Variants in RBFOX1 observed in about 807,000 individuals in gnomAD.
The protein encoded by RBFOX1 is RNA binding protein fox-1 homolog 1.
Under a neutral mutation model 57.7 loss-of-function variants are expected in RBFOX1, and 8 were observed. That is an observed-to-expected ratio of 0.14 (90% CI 0.08 to 0.25). The LOEUF (loss-of-function observed/expected upper bound fraction) is 0.25. RBFOX1 is among the 10% of genes least tolerant of loss of function. The pLI is 1.00. For synonymous variants in RBFOX1, 326 were observed against 222.4 expected (o/e 1.47, Z -4.15); for missense variants, 611 against 548.5 (o/e 1.11, Z -1.14).
chr16:6,111,056 G>C (rs778480849), intron 1 of RBFOX1, among the ~76,000 whole-genome samples: 2 of 152,158 alleles, frequency 1.3e-5, no homozygotes, highest in Admixed American at 6.5e-5. Context: ...GGGTGGAATG[G>C]GGAGGTCAGA....
intron 1 of RBFOX1, among the ~76,000 whole-genome samples, chr16:6,116,484 C>T (rs1011244249): frequency 2.6e-5 from 4 of 152,142 alleles, no homozygotes; most frequent in Non-Finnish European, 5.9e-5. Context: ...AAGATACTAC[C>T]ATGCATTGCA....
chr16:7,044,644 T>G (rs1218010023), intron 3 of RBFOX1, among the ~76,000 whole-genome samples: 1 of 152,206 alleles, frequency 6.6e-6, no homozygotes, highest in Admixed American at 6.5e-5. Flanking sequence ...CCTTCCACTT[T>G]ACTTTTTTTC....
At chr16:6,590,565 G>A (rs2153987445) in intron 2 of RBFOX1, among the ~76,000 whole-genome samples, 1 of 152,292 alleles carries the variant, frequency 6.6e-6, no homozygotes, top group Middle Eastern at 3.4e-3. Flanking sequence ...CTCATTTAGT[G>A]AGAGTTCTAC....
chr16:7,156,417 A>G (rs1474185381), intron 4 of RBFOX1, among the ~76,000 whole-genome samples: 3 of 152,056 alleles, frequency 2.0e-5, no homozygotes, highest in East Asian at 1.9e-4. Flanking sequence ...ATGTGTGCGT[A>G]TAGTTGTACA....
chr16:7,687,189 C>T (rs760259866), intron 14 of RBFOX1, among the ~76,000 whole-genome samples: 41 of 151,948 alleles, frequency 2.7e-4, no homozygotes, highest in Non-Finnish European at 4.3e-4. Flanking sequence ...TTGAAGTACA[C>T]GTGACAACAC....
At chr16:7,373,739 C>T (rs1236255763) in intron 4 of RBFOX1, among the ~76,000 whole-genome samples, 2 of 152,192 alleles carry the variant, frequency 1.3e-5, no homozygotes, top group African/African-American at 4.8e-5. Flanking sequence ...TACAGGGGCC[C>T]AGCTCTTTGC....
chr16:7,019,829 C>T (rs950181425), intron 3 of RBFOX1, among the ~76,000 whole-genome samples: 5 of 152,182 alleles, frequency 3.3e-5, no homozygotes, highest in East Asian at 1.9e-4. Context: ...ATATGATTCT[C>T]TCTAGCTGTT....
intron 1 of RBFOX1, among the ~76,000 whole-genome samples, chr16:6,256,281 A>G (rs111596430): frequency 1.8e-4 from 22 of 120,064 alleles, no homozygotes; most frequent in East Asian, 4.4e-4. Context: ...GTATATATAT[A>G]TGTGTGTATA....
At chr16:5,786,464 G>C (rs1192408562) in intron 3 of RBFOX1, among the ~76,000 whole-genome samples, 2 of 152,184 alleles carry the variant, frequency 1.3e-5, no homozygotes, top group African/African-American at 4.8e-5. Flanking sequence ...ATAGTGACAA[G>C]AGAGTGTAAC....
chr16:5,966,717 G>T lies in RBFOX1; in HGVS notation c.351+99382G>T, dbSNP rs535729292. 4.6e-5 allele frequency among the ~76,000 whole-genome samples: 7 copies of T among 152,212 alleles called. No homozygotes were observed. The South Asian group carries it at 1.0e-3, about 23-fold the overall frequency. The stretch of plus-strand genomic sequence containing the variant: ...TTGTGAGAACAGTACCAAGAGGATG[G>T]TGCTAAAATCATTCACAAGAAACCT... On this transcript the variant is annotated intron_variant, in intron 4 of 19. Coordinates refer to the RBFOX1 transcript ENST00000641259.
Position 5,494,596 on chromosome 16 carries a change from T to A in RBFOX1, c.258+27342T>A, listed in dbSNP as rs543485637. 3.3e-5 allele frequency among the ~76,000 whole-genome samples: 5 copies of A among 152,216 alleles called. No homozygotes were observed. In the East Asian group the frequency reaches 9.7e-4, roughly 29 times the overall value. On this transcript the variant is annotated intron_variant, in intron 2 of 2. Transcript: ENST00000585867. The stretch of plus-strand genomic sequence containing the variant: ...CTGTTCACTGCCCTCTCCCACGAGG[T>A]CTTCTGGAGGCAGGTGTTCCTGGAG...
chr16:6,099,070 C>G (rs1201667332), intron 1 of RBFOX1, among the ~76,000 whole-genome samples: 2 of 152,186 alleles, frequency 1.3e-5, no homozygotes, highest in Non-Finnish European at 2.9e-5. Context: ...GGTTGAGAGT[C>G]TGTCATGTTG....
chr16:7,338,416 G>C (rs1311699967), intron 4 of RBFOX1, among the ~76,000 whole-genome samples: 3 of 152,114 alleles, frequency 2.0e-5, no homozygotes, highest in Non-Finnish European at 1.5e-5. Flanking sequence ...TTCTTTTAGA[G>C]AAAGGGTCTC....
intron 4 of RBFOX1, among the ~76,000 whole-genome samples, chr16:5,868,192 C>T (rs538312671): frequency 9.9e-5 from 15 of 152,278 alleles, no homozygotes; most frequent in Admixed American, 2.6e-4. Flanking sequence ...ACGATAGAGC[C>T]GGTCACTCTC....
At chr16:6,326,832 A>C (rs904997579) in intron 2 of RBFOX1, among the ~76,000 whole-genome samples, 2 of 152,166 alleles carry the variant, frequency 1.3e-5, no homozygotes, top group Non-Finnish European at 2.9e-5. Flanking sequence ...ACCCCAGAGC[A>C]GATGGCCCGA....
chr16:6,664,156 C>T (rs923236959), intron 3 of RBFOX1, among the ~76,000 whole-genome samples: 2 of 152,278 alleles, frequency 1.3e-5, no homozygotes, highest in South Asian at 4.1e-4. Context: ...CCCTTCTGGT[C>T]CAGCCATCTC....
At chr16:6,619,938 T>C (rs1028421921) in intron 2 of RBFOX1, among the ~76,000 whole-genome samples, 1 of 152,120 alleles carries the variant, frequency 6.6e-6, no homozygotes, top group African/African-American at 2.4e-5. Context: ...TAAGTCCCAG[T>C]TTTAAGTGAG....
intron 1 of RBFOX1, among the ~76,000 whole-genome samples, chr16:6,051,373 G>A (rs1311843627): frequency 2.0e-5 from 3 of 151,968 alleles, no homozygotes; most frequent in East Asian, 1.9e-4. Context: ...TGTTGCCCAG[G>A]CTGGAGTACA....
chr16:7,663,833 C>T (rs548623788), intron 12 of RBFOX1, among the ~76,000 whole-genome samples: 20 of 152,310 alleles, frequency 1.3e-4, no homozygotes, highest in East Asian at 7.7e-4. Flanking sequence ...ATATGATTCT[C>T]GTTAAACTCG....
Sources: allele counts gnomAD v4.1 joint callset (sites outside exome capture counted in the v4.1 genomes callset), GRCh38; gene constraint gnomAD v4.1.1; transcripts MANE v1.5; gene names NCBI Gene and HGNC (gene_info 2026-07-23, HGNC 2026-07-21).